Variants in CDH13 observed in about 807,000 individuals in gnomAD.
CDH13 encodes cadherin-13.
In CDH13, 24 loss-of-function variants were observed where a neutral mutation model predicts 63.8. The observed-to-expected ratio is 0.38, with a 90% confidence interval of 0.27 to 0.53. CDH13 has a LOEUF of 0.53. CDH13 is among the 20% of genes least tolerant of loss of function. CDH13 has a pLI of 0.85. For missense variants in CDH13, 1,049 were observed against 903.1 expected, an observed-to-expected ratio of 1.16 and a Z score of -2.07; for synonymous variants, 503 against 355.3, an observed-to-expected ratio of 1.42 and a Z score of -4.67.
chr16:83,396,754 A>AATGATGATG (rs35787138), intron 6 of CDH13: 2,587 of 150,466 alleles, frequency 0.017, 35 homozygotes, highest in Non-Finnish European at 0.027. Context: ...ATTCATCACA[A>AATGATGATG]ATGATGATGA....
At chr16:83,038,004 G>A (rs1917016732) in intron 3 of CDH13, among the ~76,000 whole-genome samples, 1 of 152,158 alleles carries the variant, frequency 6.6e-6, no homozygotes, top group African/African-American at 2.4e-5. Flanking sequence ...TGAGACAGAA[G>A]CCAGAGATGG....
At chr16:83,550,432 A>T (rs921648517) in intron 7 of CDH13, among the ~76,000 whole-genome samples, 2 of 152,356 alleles carry the variant, frequency 1.3e-5, no homozygotes, top group East Asian at 1.9e-4. Flanking sequence ...CATCAGTGAC[A>T]TTTGGTGATT....
chr16:82,683,491 C>A (rs1337675543), intron 1 of CDH13, among the ~76,000 whole-genome samples: 1 of 152,218 alleles, frequency 6.6e-6, no homozygotes, highest in African/African-American at 2.4e-5. Context: ...TGCATTCAGA[C>A]CACTGAGCCT....
chr16:83,362,466 A>G (rs1236833396), intron 6 of CDH13, among the ~76,000 whole-genome samples: 1 of 152,222 alleles, frequency 6.6e-6, no homozygotes, highest in African/African-American at 2.4e-5. Flanking sequence ...GCCACAACAA[A>G]TGACATTTTT....
intron 5 of CDH13, among the ~76,000 whole-genome samples, chr16:83,261,480 G>C (rs571070808): frequency 9.9e-5 from 15 of 152,078 alleles, no homozygotes; most frequent in Non-Finnish European, 2.2e-4. Flanking sequence ...CTGAAGTGGA[G>C]GGACAGGAAT....
chr16:83,034,942 A>G (rs1019714677), intron 3 of CDH13, among the ~76,000 whole-genome samples: 1 of 152,074 alleles, frequency 6.6e-6, no homozygotes, highest in African/African-American at 2.4e-5. Context: ...TTTGCTTCTT[A>G]TAAAGGGGGC....
In CDH13 at chr16:82,710,552, A is replaced by AAATATATATAT. The variant is rs60196638; in HGVS notation, c.45+83416_45+83417insATATATATATA. On this transcript the variant is annotated intron_variant, in intron 1 of 13. Transcript: ENST00000567109. ...TGTCTCAAAAAAAAAAAAAAAAAAA[A>AAATATATATAT]ATATATATATATATATATATATATA... Among the ~76,000 whole-genome samples the AAATATATATAT allele has an allele frequency of 1.3e-3, 86 of 63,744 alleles. 1 individual carries two copies. Among genetic ancestry groups the AAATATATATAT allele is most frequent in the Admixed American group, 9.0e-3 (34 of 3,760 alleles). 41.8% of individuals were successfully genotyped at this position (63,744 alleles called of 152,430 possible).
At chr16:83,782,642 A>G (rs1477865611) in intron 12 of CDH13, among the ~76,000 whole-genome samples, 1 of 151,288 alleles carries the variant, frequency 6.6e-6, no homozygotes, top group Admixed American at 6.6e-5. Flanking sequence ...AGGCTAAGGC[A>G]GGAGAATCAT....
chr16:83,340,725 C>T (rs1409039860), intron 5 of CDH13, among the ~76,000 whole-genome samples: 2 of 152,158 alleles, frequency 1.3e-5, no homozygotes, highest in African/African-American at 4.8e-5. Flanking sequence ...TAGCAAGGTA[C>T]TAGAACACAC....
chr16:83,622,077 C>T (rs1345404859), intron 8 of CDH13, among the ~76,000 whole-genome samples: 2 of 152,126 alleles, frequency 1.3e-5, no homozygotes, highest in Non-Finnish European at 2.9e-5. Flanking sequence ...AATAACTTTT[C>T]GAAAGCTAAT....
chr16:83,239,031 T>G (rs1360087292), intron 5 of CDH13, among the ~76,000 whole-genome samples: 1 of 152,194 alleles, frequency 6.6e-6, no homozygotes. Flanking sequence ...GGCATCTCAG[T>G]TACATTCTCC....
At chr16:83,750,546 G>C (rs573280764) in intron 11 of CDH13, among the ~76,000 whole-genome samples, 32 of 152,320 alleles carry the variant, frequency 2.1e-4, no homozygotes, top group African/African-American at 7.7e-4. Context: ...GATGTGGTTA[G>C]TTAAGGTGAG....
chr16:83,686,816 A>C (rs1323141673), intron 10 of CDH13, among the ~76,000 whole-genome samples: 1 of 152,192 alleles, frequency 6.6e-6, no homozygotes, highest in Non-Finnish European at 1.5e-5. Context: ...CAATCCCAGC[A>C]TAAGGACTGG....
intron 2 of CDH13, among the ~76,000 whole-genome samples, chr16:82,906,696 G>T (rs1381677497): frequency 1.3e-5 from 2 of 152,136 alleles, no homozygotes; most frequent in African/African-American, 2.4e-5. Flanking sequence ...CTAGTGGTTA[G>T]AATTCCATAT....
chr16:83,409,302 A>G (rs571391346), intron 6 of CDH13, among the ~76,000 whole-genome samples: 2 of 151,546 alleles, frequency 1.3e-5, no homozygotes, highest in South Asian at 4.2e-4. Context: ...GGCTGCTGCT[A>G]GGGACATTAA....
At chr16:82,765,620 C>T (rs993183570) in intron 1 of CDH13, among the ~76,000 whole-genome samples, 1 of 152,124 alleles carries the variant, frequency 6.6e-6, no homozygotes, top group African/African-American at 2.4e-5. Context: ...GAATAATTGC[C>T]TTCATAAGTG....
At chr16:82,776,138 A>C (rs1487547698) in intron 1 of CDH13, among the ~76,000 whole-genome samples, 2 of 151,848 alleles carry the variant, frequency 1.3e-5, no homozygotes, top group African/African-American at 4.8e-5. Flanking sequence ...TGAACCCAGG[A>C]GGCAGAGGTT....
chr16:83,118,716 A>G (rs1160602632), intron 3 of CDH13, among the ~76,000 whole-genome samples: 2 of 151,966 alleles, frequency 1.3e-5, no homozygotes, highest in South Asian at 2.1e-4. Context: ...CTCATAACCT[A>G]GAGGACGGGC....
At chr16:83,674,016 G>C (rs979002571) in intron 9 of CDH13, among the ~76,000 whole-genome samples, 2 of 152,196 alleles carry the variant, frequency 1.3e-5, no homozygotes, top group Admixed American at 1.3e-4. Flanking sequence ...GAAGGGCCTT[G>C]AGTTCTATCT....
Sources: allele counts gnomAD v4.1 joint callset (sites outside exome capture counted in the v4.1 genomes callset), GRCh38; gene constraint gnomAD v4.1.1; transcripts MANE v1.5; gene names NCBI Gene and HGNC (gene_info 2026-07-23, HGNC 2026-07-21).